The following CNTN1 variants were observed in gnomAD, a reference collection of about 807,000 sequenced individuals.
CNTN1 encodes the protein contactin-1.
In CNTN1, 38 loss-of-function variants were observed where a neutral mutation model predicts 126.4. The observed-to-expected ratio is 0.30, with a 90% CI of 0.23 to 0.39. The LOEUF is 0.39. CNTN1 is among the 10% of genes least tolerant of loss of function. The pLI is 1.00. For missense variants in CNTN1, 1,009 were observed against 1,248.4 expected (o/e 0.81, Z 2.89); for synonymous variants, 413 against 422.6 (o/e 0.98, Z 0.28).
In CNTN1 at chr12:40,922,147, G is replaced by A. The variant is rs1381388254; in HGVS notation, c.228-109G>A. 3 of 856,196 alleles carry A rather than the reference G, an allele frequency of 3.5e-6. No homozygotes were observed. The African/African-American group carries it at 5.0e-5, about 14-fold the overall frequency. 53.0% of individuals were successfully genotyped at this position (856,196 alleles called of 1,614,324 possible). On this transcript the variant is annotated intron_variant, in intron 4 of 23. Coordinates refer to ENST00000551295, the MANE Select transcript of CNTN1 (RefSeq NM_001843.4). ...TACCACCTGAATCATATTCTTAATT[G>A]TCTGACTTCACATGGAGCCGTACCC...
intron 1 of CNTN1, among the ~76,000 whole-genome samples, chr12:40,899,653 T>C (rs1004875118): frequency 1.3e-5 from 2 of 152,188 alleles, no homozygotes; most frequent in African/African-American, 2.4e-5. Context: ...AACGAAAATA[T>C]TCCAACCTTC....
At chr12:40,971,717 A>T (rs1947518184) in intron 15 of CNTN1, 1 of 1,337,180 alleles carries the variant, frequency 7.5e-7, no homozygotes, top group Non-Finnish European at 9.5e-7. Flanking sequence ...CTAATACCTT[A>T]AAAATGCCTA....
In CNTN1 at chr12:40,819,035, C is replaced by T. The variant is rs147730597; in HGVS notation, c.-76-89322C>T. Reference sequence around the variant, plus strand: ...GATATGATTCAAGGAGGCTGAAGAGCAGCAAAGATGGGTGCCTGCTCCTTC... The same window carrying T: ...GATATGATTCAAGGAGGCTGAAGAGTAGCAAAGATGGGTGCCTGCTCCTTC... On this transcript the variant is annotated intron_variant, in intron 1 of 23. Coordinates refer to ENST00000551295, the MANE Select transcript of CNTN1 (RefSeq NM_001843.4). Among the ~76,000 whole-genome samples the T allele has an allele frequency of 3.7e-3, 563 of 152,246 alleles. 5 individuals carry two copies. The highest frequency in any genetic ancestry group is 0.013 in the African/African-American group (539 of 41,520).
intron 23 of CNTN1, among the ~76,000 whole-genome samples, chr12:41,041,070 T>G (rs1392637376): frequency 6.7e-6 from 1 of 148,920 alleles, no homozygotes; most frequent in African/African-American, 2.5e-5. Flanking sequence ...ATAGCTCTTA[T>G]TATTTTGAGA....
At position 40,787,361 on chromosome 12, in the gene CNTN1, C is replaced by T. The variant is rs151112058; in HGVS notation, c.-77+94769C>T. 1.8e-4 allele frequency among the ~76,000 whole-genome samples: 27 copies of T among 152,214 alleles called. No individual in the cohort carries two copies. The East Asian group carries it at 3.7e-3, about 21-fold the overall frequency. ...ACTCTGCTTAGCACTTTTGGGCACA[C>T]GGGGAAAAGTGTTACAGCACAGCTG... On this transcript the variant is annotated intron_variant, in intron 1 of 23. Coordinates refer to ENST00000551295, the MANE Select transcript of CNTN1 (RefSeq NM_001843.4).
intron 16 of CNTN1, among the ~76,000 whole-genome samples, chr12:40,989,793 C>T (rs574143993): frequency 1.3e-4 from 19 of 151,770 alleles, no homozygotes; most frequent in Middle Eastern, 3.4e-3. Context: ...TATACATGGC[C>T]ACAAATGATA....
intron 1 of CNTN1, among the ~76,000 whole-genome samples, chr12:40,894,348 C>T (rs1218715837): frequency 1.3e-5 from 2 of 152,112 alleles, no homozygotes; most frequent in Non-Finnish European, 2.9e-5. Context: ...AAACCCACAG[C>T]AGATATACAT....
At chr12:40,959,019 A>T in intron 14 of CNTN1, 95 bp from the exon 15 acceptor site, 1 of 1,490,274 alleles carries the variant, frequency 6.7e-7, no homozygotes, top group South Asian at 1.2e-5. Context: ...AGTGGTGTTC[A>T]TTTTGTTAGG....
At chr12:40,928,237 A>G (rs1186280462) in intron 6 of CNTN1, among the ~76,000 whole-genome samples, 2 of 152,120 alleles carry the variant, frequency 1.3e-5, no homozygotes, top group East Asian at 3.8e-4. Context: ...AACTGAGAAT[A>G]GGAAATATTA....
intron 14 of CNTN1, among the ~76,000 whole-genome samples, chr12:40,957,592 A>AAAATAAATAAATAAATAAATAAATAAAT (rs60750061): frequency 7.1e-6 from 1 of 140,664 alleles, no homozygotes; most frequent in African/African-American, 2.6e-5. Flanking sequence ...TGGTATGACA[A>AAAATAAATAAATAAATAAATAAATAAAT]AAATAAATAA....
chr12:40,814,640 G>A (rs945904340), intron 1 of CNTN1, among the ~76,000 whole-genome samples: 1 of 152,154 alleles, frequency 6.6e-6, no homozygotes, highest in Non-Finnish European at 1.5e-5. Flanking sequence ...GATGCCTTCA[G>A]CTTTGTTCTT....
At position 40,855,777 on chromosome 12, in the gene CNTN1, G is replaced by A. The variant is rs191877632; in HGVS notation, c.-76-52580G>A. Among the ~76,000 whole-genome samples the A allele has an allele frequency of 1.5e-3, 225 of 151,944 alleles. 6 individuals carry two copies. In the South Asian group the frequency reaches 0.035, roughly 24 times the overall value. On this transcript the variant is annotated intron_variant, in intron 1 of 23. Coordinates refer to ENST00000551295, the MANE Select transcript of CNTN1 (RefSeq NM_001843.4). ...TAAAATTTTAATCCCTCTACCTTTG[G>A]GAGAATGTTACTTATTGCCAAAATT...
intron 1 of CNTN1, among the ~76,000 whole-genome samples, chr12:40,855,183 C>T (rs1942859499): frequency 6.6e-6 from 1 of 152,102 alleles, no homozygotes; most frequent in Non-Finnish European, 1.5e-5. Context: ...AACTTTGTTC[C>T]TCAAACACTC....
chr12:40,726,450 T>TTCTTC (rs1165287441), intron 1 of CNTN1, among the ~76,000 whole-genome samples: 2 of 152,246 alleles, frequency 1.3e-5, no homozygotes, highest in Admixed American at 1.3e-4. Flanking sequence ...AGCAGGCACC[T>TTCTTC]TCTTCACAGG....
At chr12:40,968,024 A>G (rs887175321) in intron 15 of CNTN1, among the ~76,000 whole-genome samples, 5 of 151,280 alleles carry the variant, frequency 3.3e-5, no homozygotes, top group African/African-American at 1.2e-4. Context: ...ATTGTTTACC[A>G]GATTTAATTT....
intron 1 of CNTN1, among the ~76,000 whole-genome samples, chr12:40,719,730 C>G (rs1052486240): frequency 1.1e-4 from 16 of 152,142 alleles, no homozygotes; most frequent in Admixed American, 9.2e-4. Context: ...GACAACGAAG[C>G]AAATATTTAT....
At chr12:40,721,912 T>C (rs893376007) in intron 1 of CNTN1, among the ~76,000 whole-genome samples, 16 of 150,930 alleles carry the variant, frequency 1.1e-4, no homozygotes, top group Admixed American at 9.9e-4. Flanking sequence ...TAGTATTCCA[T>C]GGTGTATATG....
intron 15 of CNTN1, among the ~76,000 whole-genome samples, chr12:40,973,683 T>C (rs567783416): frequency 1.3e-5 from 2 of 152,254 alleles, no homozygotes; most frequent in South Asian, 4.1e-4. Context: ...TAAATGTATG[T>C]GCTATATGAA....
chr12:41,047,387 T>C (rs1949568001), intron 23 of CNTN1, among the ~76,000 whole-genome samples: 1 of 152,182 alleles, frequency 6.6e-6, no homozygotes, highest in Admixed American at 6.6e-5. Flanking sequence ...CTTTTAACTT[T>C]ATCTGAAGTC....
Sources: allele counts gnomAD v4.1 joint callset (sites outside exome capture counted in the v4.1 genomes callset), GRCh38; gene constraint gnomAD v4.1.1; transcripts MANE v1.5; gene names NCBI Gene and HGNC (gene_info 2026-07-23, HGNC 2026-07-21).